The following RASGRF1 variants were observed in gnomAD, a reference collection of about 807,000 sequenced individuals.
The protein encoded by RASGRF1 is Ras protein specific guanine nucleotide releasing factor 1.
Under a neutral mutation model 138.7 loss-of-function variants are expected in RASGRF1, and 40 were observed. The observed-to-expected ratio is 0.29, with a 90% CI of 0.22 to 0.38. RASGRF1 has a LOEUF of 0.38. RASGRF1 is among the 10% of genes least tolerant of loss of function. The pLI is 1.00. For synonymous variants in RASGRF1, 614 were observed against 663.2 expected, an observed-to-expected ratio of 0.93 and a Z score of 1.14; for missense variants, 1,108 against 1,650.4, an observed-to-expected ratio of 0.67 and a Z score of 5.69.
At chr15:79,036,261 G>A (rs2057220996) in intron 5 of RASGRF1, among the ~76,000 whole-genome samples, 1 of 152,148 alleles carries the variant, frequency 6.6e-6, no homozygotes, top group South Asian at 2.1e-4. Flanking sequence ...GCTCTTTGTG[G>A]TACACTCCAT....
chr15:78,971,999 G>A, intron 25 of RASGRF1, 65 bp from the exon 26 acceptor site: 4 of 1,359,812 alleles, frequency 2.9e-6, no homozygotes, highest in Non-Finnish European at 4.2e-6. Flanking sequence ...CAACTTTGCA[G>A]AGCTGAAGGG....
At chr15:79,063,843 C>T (rs1345763280) in intron 2 of RASGRF1, among the ~76,000 whole-genome samples, 3 of 152,162 alleles carry the variant, frequency 2.0e-5, no homozygotes, top group African/African-American at 7.2e-5. Context: ...AAAAGGGACT[C>T]AGTTCAGCTT....
At position 78,962,085 on chromosome 15, in the gene RASGRF1, T is replaced by G; in HGVS notation, c.*59A>C. 1 of 1,060,646 alleles carries G rather than the reference T, an allele frequency of 9.4e-7. No homozygotes were observed. Among genetic ancestry groups the G allele is most frequent in the Non-Finnish European group, 1.4e-6 (1 of 704,598 alleles). The allele number at this position is 1,060,646 out of a possible 1,614,324, so 65.7% of individuals were successfully genotyped here. ...AAAATCCAGTGAAACCAAACGAATA[T>G]GTACAGTATCATCTAGCACATGTCC... On this transcript the variant is annotated 3_prime_UTR_variant, in exon 27 of 27. Coordinates refer to ENST00000558480, the MANE Select transcript of RASGRF1 (RefSeq NM_001145648.3).
At chr15:78,995,707 G>T in intron 20 of RASGRF1, 33 bp downstream of exon 20, 1 of 1,613,226 alleles carries the variant, frequency 6.2e-7, no homozygotes, top group Non-Finnish European at 8.5e-7. Context: ...GGGGAGGAAA[G>T]CCTTGGAAAG....
intron 13 of RASGRF1, among the ~76,000 whole-genome samples, chr15:79,012,840 G>T (rs1278513214): frequency 6.6e-6 from 1 of 152,084 alleles, no homozygotes; most frequent in Non-Finnish European, 1.5e-5. Flanking sequence ...ATGCCACCAG[G>T]CCTGGCTAAT....
At chr15:79,066,185 C>G (rs1464937055) in intron 1 of RASGRF1, among the ~76,000 whole-genome samples, 7 of 152,068 alleles carry the variant, frequency 4.6e-5, no homozygotes, top group Non-Finnish European at 1.5e-5. Flanking sequence ...TGCTTGTCTC[C>G]CATGATCTCA....
Position 79,006,540 on chromosome 15 carries a change from A to G in RASGRF1, c.1827-106T>C. On this transcript the variant is annotated intron_variant, in intron 13 of 26. Transcript: ENST00000558480. The surrounding 1 kb of genome is among the most constrained non-coding windows in gnomAD (Gnocchi z 4.0). ...TTCCCCCACACACTGACAACACAGG[A>G]TGGTCTTATTAAGAGAACAAGCTTG... 1 of 1,371,710 alleles carries G rather than the reference A, an allele frequency of 7.3e-7. No individual in the cohort carries two copies. Among genetic ancestry groups the G allele is most frequent in the South Asian group, 1.4e-5 (1 of 72,786 alleles). The allele number at this position is 1,371,710 out of a possible 1,614,324, so 85.0% of individuals were successfully genotyped here.
intron 26 of RASGRF1, among the ~76,000 whole-genome samples, chr15:78,969,995 A>G (rs2055718797): frequency 6.6e-6 from 1 of 152,170 alleles, no homozygotes; most frequent in Admixed American, 6.6e-5. Flanking sequence ...TAGTCCACTG[A>G]TTTTTCTCCT....
chr15:79,032,209 A>G lies in RASGRF1; in HGVS notation c.1066T>C (p.Phe356Leu). 2 of 1,614,052 alleles carry G rather than the reference A, an allele frequency of 1.2e-6. No homozygotes were observed. Among genetic ancestry groups the G allele is most frequent in the Non-Finnish European group, 1.7e-6 (2 of 1,179,962 alleles). ...TCGTAGTGCTTCAGCAGCTTGTCGA[A>G]GTCACGGTTCTGCTTGCAGTGGGCC... ...ILAHCKQNRD[F>L]DKLLKHYEAK... The change falls in exon 7 of 27, where the codon TTC (phenylalanine) becomes CTC (leucine). Residue 356 changes from phenylalanine (F) to leucine (L), a missense_variant. This residue lies in a region of RASGRF1 where 169 missense variants were observed against 344.2 expected (regional missense o/e 0.49). Coordinates refer to ENST00000558480, the MANE Select transcript of RASGRF1 (RefSeq NM_001145648.3). This position sits in a 1 kb window ranked among gnomAD's most constrained non-coding sequence, Gnocchi z 4.5.
chr15:79,059,287 C>CCCTTCCCTAT (rs2057558470), intron 2 of RASGRF1, among the ~76,000 whole-genome samples: 1 of 137,074 alleles, frequency 7.3e-6, no homozygotes, highest in East Asian at 2.2e-4. Context: ...TCCTTCCCTT[C>CCCTTCCCTAT]CCTTCCCTAT....
At chr15:78,978,557 A>G in intron 24 of RASGRF1, 1 of 986,730 alleles carries the variant, frequency 1.0e-6, no homozygotes. Context: ...AGCTAAAAAA[A>G]GATGCCTGGG....
At chr15:78,993,379 G>T (rs1024607359) in intron 20 of RASGRF1, among the ~76,000 whole-genome samples, 4 of 147,562 alleles carry the variant, frequency 2.7e-5, no homozygotes, top group African/African-American at 1.0e-4. Context: ...TGTAGTGTGT[G>T]TGTGTGGGTG....
chr15:78,991,785 C>T lies in RASGRF1; in HGVS notation c.3037G>A (p.Val1013Met), dbSNP rs28603308. 2.8e-5 allele frequency: 45 copies of T among 1,612,002 alleles called. 1 individual carries two copies. Among genetic ancestry groups the T allele is most frequent in the African/African-American group, 1.3e-4 (10 of 74,888 alleles). Residue 1013 changes from valine (V) to methionine (M), a missense_variant, in exon 21 of 27, where the codon GTG (valine) becomes ATG (methionine). By Grantham distance (21) the Val-to-Met change is conservative. This residue lies in a region of RASGRF1 where 686 missense variants were observed against 976.7 expected (regional missense o/e 0.70). Transcript: ENST00000558480. ...LEEITQMAEG[V>M]KAEPFENHSA... ...TGGTTTTCAAAGGGCTCAGCCTTCA[C>T]GCCTTCAGCCTGGTTTTGAGTTGGG...
chr15:79,040,310 CCT>C (rs1404550473), intron 5 of RASGRF1, among the ~76,000 whole-genome samples: 1 of 152,156 alleles, frequency 6.6e-6, no homozygotes, highest in Non-Finnish European at 1.5e-5. Flanking sequence ...ATCTGCCACC[CCT>C]GTCACCTCTG....
At chr15:78,980,549 G>T in intron 24 of RASGRF1, 71 bp downstream of exon 24, 3 of 1,245,144 alleles carry the variant, frequency 2.4e-6, no homozygotes, top group South Asian at 1.4e-5. Flanking sequence ...GGCTGGGGGC[G>T]GCACGTGAAT....
chr15:78,978,451 C>T (rs1032328409), intron 24 of RASGRF1: 54 of 896,258 alleles, frequency 6.0e-5, no homozygotes, highest in Non-Finnish European at 7.2e-5. Flanking sequence ...TTTCTAGCTC[C>T]TGACCTCAAG....
chr15:79,023,348 C>T (rs796519719), intron 10 of RASGRF1, among the ~76,000 whole-genome samples: 32 of 152,306 alleles, frequency 2.1e-4, no homozygotes, highest in African/African-American at 7.7e-4. Context: ...TGCAATGTCT[C>T]TGTGAGGGTC....
chr15:78,973,300 C>T lies in RASGRF1; in HGVS notation c.3612+3G>A. The T allele has an allele frequency of 1.2e-6, 2 of 1,602,692 alleles. No individual in the cohort carries two copies. Among genetic ancestry groups the T allele is most frequent in the Non-Finnish European group, 1.7e-6 (2 of 1,170,940 alleles). ...TTCCCCTGCCTGGCTGGGGGGAACG[C>T]ACCATCCTCATCTTGGAGAAGTTGA... On this transcript the variant is annotated splice_donor_region_variant and intron_variant, in intron 25 of 26. Transcript: ENST00000558480. The surrounding 1 kb of genome is among the most constrained non-coding windows in gnomAD (Gnocchi z 4.9).
Position 79,050,126 on chromosome 15 carries a change from C to T in RASGRF1, c.532-538G>A, listed in dbSNP as rs1567578950. 6.6e-6 allele frequency among the ~76,000 whole-genome samples: 1 copy of T among 152,202 alleles called. No individual in the cohort carries two copies. Among genetic ancestry groups the T allele is most frequent in the Non-Finnish European group, 1.5e-5 (1 of 68,040 alleles). ...AACTCTTCATTTTGTAAAACTGAAA[C>T]TCTGTACTCATCAAACAATAACTCT... On this transcript the variant is annotated intron_variant, in intron 3 of 26. Coordinates refer to ENST00000558480, the MANE Select transcript of RASGRF1 (RefSeq NM_001145648.3). The surrounding 1 kb of genome is among the most constrained non-coding windows in gnomAD (Gnocchi z 4.1).
Sources: allele counts gnomAD v4.1 joint callset (sites outside exome capture counted in the v4.1 genomes callset), GRCh38; gene constraint gnomAD v4.1.1; regional missense constraint gnomAD v4.1.1; non-coding constraint Gnocchi (gnomAD v3.1); transcripts MANE v1.5; gene names NCBI Gene and HGNC (gene_info 2026-07-23, HGNC 2026-07-21).